DTWD2: variants seen among roughly 807,000 people sequenced by gnomAD.
DTWD2 encodes the protein DTW motif tRNA-uridine aminocarboxypropyltransferase 2, also known as tRNA-uridine aminocarboxypropyltransferase 2.
DTWD2 carries 39 observed loss-of-function variants against 31.8 expected under a neutral mutation model. That is an observed-to-expected ratio of 1.22 (90% CI 0.95 to 1.60). DTWD2 has a LOEUF of 1.60. DTWD2 is among the 40% of genes most tolerant of loss of function. The probability of loss-of-function intolerance (pLI) is 0.00; values close to 1 mark genes in which losing one functional copy is unlikely to be tolerated. For missense variants in DTWD2, 515 were observed against 381.5 expected (o/e 1.35, Z -2.92); for synonymous variants, 180 against 142.8 (o/e 1.26, Z -1.86).
rs371110027 is a variant in DTWD2, at chr5:118,893,023, A to AAT, written c.597+35512_597+35513dup. Among the ~76,000 whole-genome samples the AAT allele has an allele frequency of 7.1e-3, 1,063 of 150,568 alleles. 5 individuals carry two copies. Among genetic ancestry groups the AAT allele is most frequent in the Admixed American group, 0.014 (203 of 15,028 alleles). On this transcript the variant is annotated intron_variant, in intron 4 of 5. Transcript: ENST00000510708. ...ACTAGGAAAATATTGTTAAGTTAAAAATATATATATATATACGCAAAGGAA... is the reference window on the plus strand; with the variant it reads ...ACTAGGAAAATATTGTTAAGTTAAAAATATATATATATATATACGCAAAGGAA...
intron 1 of DTWD2, chr5:118,988,012 C>T: frequency 1.5e-6 from 1 of 688,714 alleles, no homozygotes; most frequent in East Asian, 2.7e-5. Context: ...CTTACTTCCC[C>T]TATTGGACGC....
chr5:118,902,186 G>GCTACTT (rs1753227379), intron 4 of DTWD2, among the ~76,000 whole-genome samples: 1 of 152,008 alleles, frequency 6.6e-6, no homozygotes, highest in African/African-American at 2.4e-5. Flanking sequence ...ACTGAATAGT[G>GCTACTT]GAAAGCTACA....
In DTWD2 at chr5:118,848,161, T is replaced by C; in HGVS notation, c.655A>G (p.Arg219Gly). The C allele has an allele frequency of 6.2e-7, 1 of 1,607,672 alleles. No individual in the cohort carries two copies. Among genetic ancestry groups the C allele is most frequent in the Admixed American group, 1.7e-5 (1 of 59,118 alleles). Residue 219 changes from arginine to glycine, a missense_variant, in exon 5 of 6, where the codon AGA becomes GGA. By Grantham distance (125) the Arg-to-Gly change is moderately radical. Coordinates refer to ENST00000510708, the MANE Select transcript of DTWD2 (RefSeq NM_173666.4). ...GCACACTCCAGTGTAGAAAGGCATC[T>C]ATTAGTCGGCTGCATCCGAATTACA... ...QYVIRMQPTN[R>G]CLSTLECAAV...
chr5:118,913,108 C>A (rs1262726958), intron 4 of DTWD2, among the ~76,000 whole-genome samples: 1 of 152,118 alleles, frequency 6.6e-6, no homozygotes, highest in African/African-American at 2.4e-5. Flanking sequence ...TATCCTACTG[C>A]TCAGGGTCAT....
intron 1 of DTWD2, among the ~76,000 whole-genome samples, chr5:118,979,233 G>A (rs1194177540): frequency 1.3e-5 from 2 of 152,134 alleles, no homozygotes; most frequent in Non-Finnish European, 1.5e-5. Flanking sequence ...GAACCCAGGA[G>A]GCAGAGCTTG....
At chr5:118,898,851 G>A (rs1221438230) in intron 4 of DTWD2, among the ~76,000 whole-genome samples, 2 of 152,124 alleles carry the variant, frequency 1.3e-5, no homozygotes, top group Non-Finnish European at 1.5e-5. Context: ...GTTATCCTTA[G>A]CCTACTTGCA....
chr5:118,939,058 G>T, intron 3 of DTWD2, 138 bp downstream of exon 3: 1 of 583,630 alleles, frequency 1.7e-6, no homozygotes, highest in Non-Finnish European at 2.7e-6. Context: ...TGTGGTCAGG[G>T]GTTAGCAGAA....
intron 5 of DTWD2, among the ~76,000 whole-genome samples, chr5:118,841,494 C>T (rs1308947083): frequency 1.3e-5 from 2 of 152,150 alleles, no homozygotes; most frequent in Non-Finnish European, 2.9e-5. Flanking sequence ...TTAATGCAAG[C>T]TTACTGACAC....
intron 4 of DTWD2, among the ~76,000 whole-genome samples, chr5:118,887,992 A>G (rs1033593563): frequency 6.6e-6 from 1 of 152,164 alleles, no homozygotes; most frequent in African/African-American, 2.4e-5. Context: ...ACCATCTGCA[A>G]CTGTGCACAC....
chr5:118,885,242 A>T (rs1752834854), intron 4 of DTWD2, among the ~76,000 whole-genome samples: 1 of 151,670 alleles, frequency 6.6e-6, no homozygotes, highest in African/African-American at 2.4e-5. Flanking sequence ...CCACAAGGTC[A>T]AGAGATCGAG....
intron 2 of DTWD2, among the ~76,000 whole-genome samples, chr5:118,941,689 C>T (rs1357224823): frequency 6.3e-4 from 96 of 152,286 alleles, no homozygotes; most frequent in African/African-American, 2.2e-3. Context: ...TTTGGGTATA[C>T]ACCCAGTAAT....
At chr5:118,855,830 A>G (rs958608725) in intron 4 of DTWD2, among the ~76,000 whole-genome samples, 2 of 152,210 alleles carry the variant, frequency 1.3e-5, no homozygotes, top group African/African-American at 4.8e-5. Flanking sequence ...GAAGTGCCCT[A>G]TAATATCACC....
At chr5:118,917,920 G>C (rs993564821) in intron 4 of DTWD2, among the ~76,000 whole-genome samples, 4 of 151,504 alleles carry the variant, frequency 2.6e-5, no homozygotes, top group Admixed American at 6.6e-5. Context: ...AGCCGAGATC[G>C]CACCACTGCA....
chr5:118,907,422 G>T (rs917401575), intron 4 of DTWD2, among the ~76,000 whole-genome samples: 1 of 152,148 alleles, frequency 6.6e-6, no homozygotes, highest in Non-Finnish European at 1.5e-5. Flanking sequence ...AATCTGCAGT[G>T]TGAGCCAGCA....
At chr5:118,926,436 AGTGTACACTGCTCAG>A (rs1196027226) in intron 4 of DTWD2, among the ~76,000 whole-genome samples, 1 of 152,130 alleles carries the variant, frequency 6.6e-6, no homozygotes, top group Non-Finnish European at 1.5e-5. Flanking sequence ...TATTCGGTAC[AGTGTACACTGCTCAG>A]GTGACGGGTG....
chr5:118,881,901 A>G (rs114305696), intron 4 of DTWD2, among the ~76,000 whole-genome samples: 1,959 of 152,268 alleles, frequency 0.013, 35 homozygotes, highest in African/African-American at 0.045. Flanking sequence ...GAGTCAAACT[A>G]TATCATTCCG....
At chr5:118,851,598 T>C (rs137954266) in intron 4 of DTWD2, among the ~76,000 whole-genome samples, 13 of 149,922 alleles carry the variant, frequency 8.7e-5, no homozygotes, top group South Asian at 4.2e-4. Flanking sequence ...TGTGCACGTA[T>C]TGTCTTGATA....
At chr5:118,848,900 T>C (rs913501837) in intron 4 of DTWD2, among the ~76,000 whole-genome samples, 1 of 152,128 alleles carries the variant, frequency 6.6e-6, no homozygotes, top group African/African-American at 2.4e-5. Context: ...GACTTAAGCA[T>C]AAAACCTAAA....
chr5:118,848,890 G>C (rs1054617082), intron 4 of DTWD2, among the ~76,000 whole-genome samples: 2 of 152,150 alleles, frequency 1.3e-5, no homozygotes, highest in African/African-American at 4.8e-5. Context: ...AGGGATTAAA[G>C]ACTTAAGCAT....
Sources: gnomAD v4.1 joint callset for allele counts (sites outside exome capture counted in the v4.1 genomes callset) on GRCh38, gnomAD v4.1.1 for gene constraint, MANE v1.5 for transcripts, NCBI Gene and HGNC (gene_info 2026-07-23, HGNC 2026-07-21) for gene names.